Variants in DSCAM observed in about 807,000 individuals in gnomAD.
DSCAM encodes the protein DS cell adhesion molecule, also known as cell adhesion molecule DSCAM.
DSCAM carries 47 observed loss-of-function variants against 217.7 expected under a neutral mutation model. The ratio of observed to expected loss-of-function variants is 0.22; its 90% CI spans 0.17 to 0.28. The LOEUF (loss-of-function observed/expected upper bound fraction) is 0.28. Among genes scored for constraint, DSCAM ranks in the 10% least tolerant of loss-of-function variants. The pLI is 1.00. For synonymous variants in DSCAM, 1,056 were observed against 1,015.3 expected (o/e 1.04, Z -0.76); for missense variants, 2,080 against 2,618.3 (o/e 0.79, Z 4.49).
chr21:40,463,817 T>C (rs1471157266), intron 3 of DSCAM, among the ~76,000 whole-genome samples: 1 of 152,182 alleles, frequency 6.6e-6, no homozygotes, highest in Non-Finnish European at 1.5e-5. Context: ...TCATTTGTCT[T>C]CTCATCCCTA....
chr21:40,066,745 C>T (rs2089212691), intron 27 of DSCAM, among the ~76,000 whole-genome samples: 1 of 152,190 alleles, frequency 6.6e-6, no homozygotes, highest in South Asian at 2.1e-4. Flanking sequence ...ATGTGGCCTC[C>T]AAGATTGGAT....
At chr21:40,462,146 C>T (rs371768969) in intron 3 of DSCAM, among the ~76,000 whole-genome samples, 9 of 152,154 alleles carry the variant, frequency 5.9e-5, no homozygotes, top group Middle Eastern at 6.8e-3. Flanking sequence ...CCTCTTGGAA[C>T]TCCTTCCTGC....
intron 29 of DSCAM, among the ~76,000 whole-genome samples, chr21:40,053,281 G>A (rs143606492): frequency 5.9e-5 from 9 of 152,340 alleles, no homozygotes; most frequent in Admixed American, 2.6e-4. Flanking sequence ...CGCATGGTGC[G>A]GTGAGGTTGG....
At chr21:40,130,357 A>C (rs2090142203) in intron 19 of DSCAM, among the ~76,000 whole-genome samples, 1 of 152,228 alleles carries the variant, frequency 6.6e-6, no homozygotes, top group South Asian at 2.1e-4. Context: ...GTGTTTCTGC[A>C]GCAATAATGG....
At chr21:40,574,437 TACTC>T (rs2076832739) in intron 3 of DSCAM, among the ~76,000 whole-genome samples, 2 of 152,128 alleles carry the variant, frequency 1.3e-5, no homozygotes, top group Non-Finnish European at 1.5e-5. Context: ...TTATGAGAAA[TACTC>T]AAAAAACTAA....
At chr21:40,806,754 T>TATAC (rs2091791383) in intron 1 of DSCAM, among the ~76,000 whole-genome samples, 1 of 152,180 alleles carries the variant, frequency 6.6e-6, no homozygotes, top group South Asian at 2.1e-4. Flanking sequence ...ATGTGGCACA[T>TATAC]ATACACCATG....
chr21:40,615,737 G>A (rs1198482409), intron 3 of DSCAM, among the ~76,000 whole-genome samples: 1 of 152,140 alleles, frequency 6.6e-6, no homozygotes. Flanking sequence ...GACAGATGGA[G>A]CTAAAGTCTT....
chr21:40,057,289 C>T (rs769226299), intron 28 of DSCAM, among the ~76,000 whole-genome samples: 2 of 152,110 alleles, frequency 1.3e-5, no homozygotes, highest in Non-Finnish European at 2.9e-5. Flanking sequence ...ACTTGTCATT[C>T]GTTGATTTTG....
intron 1 of DSCAM, among the ~76,000 whole-genome samples, chr21:40,760,704 T>C (rs2091324093): frequency 6.6e-6 from 1 of 152,238 alleles, no homozygotes; most frequent in African/African-American, 2.4e-5. Flanking sequence ...CTGTGATCCT[T>C]GACTGATGCC....
intron 32 of DSCAM, among the ~76,000 whole-genome samples, chr21:40,040,990 A>G (rs2088737858): frequency 6.6e-6 from 1 of 152,172 alleles, no homozygotes; most frequent in South Asian, 2.1e-4. Context: ...TCCCCTAAGG[A>G]GGTAGACAGA....
chr21:40,786,596 AG>A (rs2091596440), intron 1 of DSCAM, among the ~76,000 whole-genome samples: 3 of 152,194 alleles, frequency 2.0e-5, no homozygotes, highest in Admixed American at 2.0e-4. Flanking sequence ...AAGGTGCTGC[AG>A]GGGACATGGC....
chr21:40,778,547 A>G (rs2091510217), intron 1 of DSCAM, among the ~76,000 whole-genome samples: 1 of 152,200 alleles, frequency 6.6e-6, no homozygotes, highest in South Asian at 2.1e-4. Flanking sequence ...TTAAATGTAC[A>G]TGGTAAATTT....
intron 14 of DSCAM, among the ~76,000 whole-genome samples, chr21:40,183,161 C>T (rs998350842): frequency 1.3e-5 from 2 of 150,784 alleles, no homozygotes; most frequent in Non-Finnish European, 2.9e-5. Context: ...CAGGAGATGG[C>T]CCCCACAGGA....
intron 3 of DSCAM, among the ~76,000 whole-genome samples, chr21:40,529,050 C>T (rs556515758): frequency 1.8e-4 from 28 of 151,902 alleles, no homozygotes; most frequent in Admixed American, 1.5e-3. Flanking sequence ...ACTACAGGCG[C>T]GTGCCACCAC....
At chr21:40,667,066 A>C (rs1242593646) in intron 3 of DSCAM, among the ~76,000 whole-genome samples, 1 of 152,194 alleles carries the variant, frequency 6.6e-6, no homozygotes, top group Non-Finnish European at 1.5e-5. Flanking sequence ...CACTCTCCCG[A>C]AGAAGCAGCA....
rs1254430033 is a variant in DSCAM at position 40,142,814 on chromosome 21, C to A, written c.3260-110G>T. On this transcript the variant is annotated intron_variant, in intron 17 of 32. Coordinates refer to ENST00000400454, the MANE Select transcript of DSCAM (RefSeq NM_001389.5). ...TTCAATATGCAAGCAAAAAATTGCA[C>A]TCAACCCCAAAATGAAAGAAAAAAT... 5.9e-5 allele frequency: 74 copies of A among 1,255,088 alleles called. No homozygotes were observed. In the East Asian group the frequency reaches 1.7e-3, roughly 29 times the overall value. The allele number at this position is 1,255,088 out of a possible 1,614,324, so 77.7% of individuals were successfully genotyped here. A position where few individuals can be genotyped will look rare whatever the true frequency, so the allele number is the denominator to read the frequency against.
intron 20 of DSCAM, among the ~76,000 whole-genome samples, chr21:40,102,872 G>A (rs1418195685): frequency 6.6e-6 from 1 of 152,150 alleles, no homozygotes; most frequent in East Asian, 1.9e-4. Context: ...ATTCCACTGT[G>A]GGTTATGGTC....
intron 3 of DSCAM, among the ~76,000 whole-genome samples, chr21:40,396,577 G>T (rs557886415): frequency 6.6e-6 from 1 of 152,258 alleles, no homozygotes; most frequent in South Asian, 2.1e-4. Flanking sequence ...AACTGGAAAT[G>T]GTTGTGGCCA....
chr21:40,488,532 C>T (rs538827592), intron 3 of DSCAM, among the ~76,000 whole-genome samples: 3 of 152,082 alleles, frequency 2.0e-5, no homozygotes, highest in East Asian at 1.9e-4. Flanking sequence ...TTTCTGTCTC[C>T]GTGGGCACAG....
Sources: allele counts gnomAD v4.1 joint callset (sites outside exome capture counted in the v4.1 genomes callset), GRCh38; gene constraint gnomAD v4.1.1; transcripts MANE v1.5; gene names NCBI Gene and HGNC (gene_info 2026-07-23, HGNC 2026-07-21).